WDR31: variants seen among roughly 807,000 people sequenced by gnomAD.
The protein encoded by WDR31 is WD repeat domain 31.
Under a neutral mutation model 47.3 loss-of-function variants are expected in WDR31, and 30 were observed. The observed-to-expected ratio is 0.63, with a 90% confidence interval of 0.47 to 0.86. The LOEUF is 0.86. Ranked by LOEUF, WDR31 falls within the 40% of genes least tolerant of loss-of-function variation. The probability of loss-of-function intolerance (pLI) is 0.00; values close to 1 mark genes in which losing one functional copy is unlikely to be tolerated. For synonymous variants in WDR31, 137 were observed against 159.4 expected (o/e 0.86, Z 1.06); for missense variants, 406 against 442.9 (o/e 0.92, Z 0.75).
In WDR31 at chr9:113,313,746, C is replaced by T. The variant is rs1360161777; in HGVS notation, c.*3003G>A. 6.6e-6 allele frequency: 1 copy of T among 152,180 alleles called. No homozygotes were observed. The highest frequency in any genetic ancestry group is 1.5e-5 in the Non-Finnish European group (1 of 68,044). The allele number at this position is 152,180 out of a possible 1,614,324, so 9.4% of individuals were successfully genotyped here. Reference sequence around the variant, plus strand: ...CAAATGAGAATAAATATATTTAGCCCTCTGTAGATGCTCAGTGACCGGGCT... The same window carrying T: ...CAAATGAGAATAAATATATTTAGCCTTCTGTAGATGCTCAGTGACCGGGCT... On this transcript the variant is annotated 3_prime_UTR_variant, in exon 11 of 11. Transcript: ENST00000374193.
intron 2 of WDR31, among the ~76,000 whole-genome samples, chr9:113,335,008 A>G (rs907454437): frequency 1.3e-5 from 2 of 152,176 alleles, no homozygotes; most frequent in Non-Finnish European, 2.9e-5. Flanking sequence ...TTGAGGAGTG[A>G]AAAGAAGTTC....
rs563495512 is a variant in WDR31, at chr9:113,316,603, C to T, written c.*146G>A. 8.2e-6 allele frequency: 8 copies of T among 981,138 alleles called. No homozygotes were observed. The highest frequency in any genetic ancestry group is 1.9e-5 in the South Asian group (1 of 52,738). 60.8% of individuals were successfully genotyped at this position (981,138 alleles called of 1,614,324 possible). A position where few individuals can be genotyped will look rare whatever the true frequency, so the allele number is the denominator to read the frequency against. ...GAATCACTGGACTTAAATTATTGGA[C>T]TTACAACACTGATACATCTTGTAAA... On this transcript the variant is annotated 3_prime_UTR_variant, in exon 11 of 11. Coordinates refer to ENST00000374193, the MANE Select transcript of WDR31 (RefSeq NM_001012361.4).
At chr9:113,335,346 C>T (rs1214343506) in intron 2 of WDR31, among the ~76,000 whole-genome samples, 1 of 152,206 alleles carries the variant, frequency 6.6e-6, no homozygotes, top group African/African-American at 2.4e-5. Context: ...CCAGTCTCAA[C>T]TACTCCATGT....
chr9:113,325,614 A>T (rs1027693140), intron 5 of WDR31, among the ~76,000 whole-genome samples: 9 of 150,028 alleles, frequency 6.0e-5, no homozygotes, highest in South Asian at 2.1e-4. Flanking sequence ...TGTAAGGAAA[A>T]TTTTTTTTTT....
At chr9:113,321,724 A>G in intron 7 of WDR31, 146 bp from the exon 8 acceptor site, 1 of 730,358 alleles carries the variant, frequency 1.4e-6, no homozygotes, top group Non-Finnish European at 2.3e-6. Context: ...TAGGTTTTGC[A>G]GATACCTATC....
In WDR31 at chr9:113,331,992, C is replaced by A; in HGVS notation, c.31G>T (p.Ala11Ser). 1 of 1,613,962 alleles carries A rather than the reference C, an allele frequency of 6.2e-7. No individual in the cohort carries two copies. The highest frequency in any genetic ancestry group is 8.5e-7 in the Non-Finnish European group (1 of 1,179,868). The part of the protein sequence containing the change: MLLLRCQLKQ[A>S]PPQKVSFRFC... Reference sequence around the variant, plus strand: ...CTAAACGAAACCTTCTGTGGAGGAGCTTGTTTCAGTTGGCACCTGAGTAGC... The same window carrying A: ...CTAAACGAAACCTTCTGTGGAGGAGATTGTTTCAGTTGGCACCTGAGTAGC... Residue 11 changes from alanine (A) to serine (S), a missense_variant, in exon 3 of 11, where the codon GCT (alanine) becomes TCT (serine). Physicochemically the swap from Ala to Ser is moderately conservative, Grantham distance 99. Coordinates refer to ENST00000374193, the MANE Select transcript of WDR31 (RefSeq NM_001012361.4).
chr9:113,336,056 T>C (rs546558758), intron 2 of WDR31, among the ~76,000 whole-genome samples: 1 of 152,324 alleles, frequency 6.6e-6, no homozygotes, highest in Non-Finnish European at 1.5e-5. Flanking sequence ...TGTGGTATTG[T>C]TTACAGATAG....
chr9:113,327,901 T>C (rs1833513106), intron 5 of WDR31, among the ~76,000 whole-genome samples: 1 of 152,136 alleles, frequency 6.6e-6, no homozygotes, highest in Non-Finnish European at 1.5e-5. Flanking sequence ...GCAGTGAGCT[T>C]TGATCACACA....
In WDR31 at chr9:113,314,264, G is replaced by A. The variant is rs1232159445; in HGVS notation, c.*2485C>T. 2 of 149,858 alleles carry A rather than the reference G, an allele frequency of 1.3e-5. No homozygotes were observed. The highest frequency in any genetic ancestry group is 6.6e-5 in the Admixed American group (1 of 15,076). The allele number at this position is 149,858 out of a possible 1,614,324, so 9.3% of individuals were successfully genotyped here. On this transcript the variant is annotated 3_prime_UTR_variant, in exon 11 of 11. Transcript: ENST00000374193. ...GAGTCTCTCTCTGTTGCCTAGGCTGGAGTGCAATGGCACAATCTCAGCTCA... is the reference window on the plus strand; with the variant it reads ...GAGTCTCTCTCTGTTGCCTAGGCTGAAGTGCAATGGCACAATCTCAGCTCA...
At chr9:113,328,851 T>C (rs1467745605) in intron 5 of WDR31, 30 bp downstream of exon 5, 1 of 1,547,016 alleles carries the variant, frequency 6.5e-7, no homozygotes, top group African/African-American at 1.4e-5. Context: ...CAGTTCCAGA[T>C]TGCCTTCATA....
Position 113,320,387 on chromosome 9 carries a change from A to G in WDR31, c.750T>C (p.Asn250=). The G allele has an allele frequency of 1.2e-6, 2 of 1,614,256 alleles. No homozygotes were observed. Among genetic ancestry groups the G allele is most frequent in the Non-Finnish European group, 8.5e-7 (1 of 1,180,032 alleles). ...CTTCACAGCCTTCTCCTCCAAAGCC[A>G]TTGCTGCAGGAGATACACTTGTGTC... The part of the protein sequence containing the change: ...VDGHKCISCS[N]GFGGEGCEAT... Residue 250 remains asparagine (N), a synonymous_variant, in exon 9 of 11, where the codon AAT becomes AAC. Transcript: ENST00000374193.
At chr9:113,337,748 G>A (rs1833748261) in intron 1 of WDR31, among the ~76,000 whole-genome samples, 1 of 152,168 alleles carries the variant, frequency 6.6e-6, no homozygotes, top group South Asian at 2.1e-4. Flanking sequence ...TTACAGGCAT[G>A]AGCCACCGTG....
chr9:113,318,907 G>T (rs1468105278), intron 9 of WDR31, among the ~76,000 whole-genome samples: 1 of 152,168 alleles, frequency 6.6e-6, no homozygotes, highest in Non-Finnish European at 1.5e-5. Context: ...TTAGTGGTTA[G>T]GGAAGTAAAA....
rs1238597106 is a variant in WDR31, at chr9:113,314,986, C to G, written c.*1763G>C. ...TGTGGCGAGGTATGATCATGAAACCCACGTTATAAAGTGAAGAGGAAACAG... is the reference window on the plus strand; with the variant it reads ...TGTGGCGAGGTATGATCATGAAACCGACGTTATAAAGTGAAGAGGAAACAG... On this transcript the variant is annotated 3_prime_UTR_variant, in exon 11 of 11. Transcript: ENST00000374193. 2 of 152,134 alleles carry G rather than the reference C, an allele frequency of 1.3e-5. No homozygotes were observed. Among genetic ancestry groups the G allele is most frequent in the Non-Finnish European group, 2.9e-5 (2 of 68,038 alleles). 9.4% of individuals were successfully genotyped at this position (152,134 alleles called of 1,614,324 possible). A position where few individuals can be genotyped will look rare whatever the true frequency, so the allele number is the denominator to read the frequency against.
chr9:113,323,992 A>T (rs913723593), intron 5 of WDR31, among the ~76,000 whole-genome samples: 1 of 151,888 alleles, frequency 6.6e-6, no homozygotes, highest in Non-Finnish European at 1.5e-5. Flanking sequence ...ATCTTTGCTG[A>T]CCTACTCTTC....
Position 113,335,852 on chromosome 9 carries a change from T to C in WDR31, c.-29+436A>G, listed in dbSNP as rs531792855. On this transcript the variant is annotated intron_variant, in intron 2 of 10. Coordinates refer to ENST00000374193, the MANE Select transcript of WDR31 (RefSeq NM_001012361.4). ...ATACGAAATGATTTTTAGTAGACTA[T>C]GTGTATAATGAGAGAAGGTCTCTCG... Among the ~76,000 whole-genome samples the C allele has an allele frequency of 3.3e-5, 5 of 152,314 alleles. No individual in the cohort carries two copies. In the East Asian group the frequency reaches 9.6e-4, roughly 29 times the overall value.
chr9:113,316,729 C>T lies in WDR31; in HGVS notation c.*20G>A. On this transcript the variant is annotated 3_prime_UTR_variant, in exon 11 of 11. Coordinates refer to ENST00000374193, the MANE Select transcript of WDR31 (RefSeq NM_001012361.4). ...AGGAGGAGCCATGGTTTGATATTGT[C>T]CAGTGAGTGTCTCTTGGCCTCAGAA... 6.2e-7 allele frequency: 1 copy of T among 1,609,350 alleles called. No homozygotes were observed. Among genetic ancestry groups the T allele is most frequent in the African/African-American group, 1.3e-5 (1 of 74,992 alleles).
intron 2 of WDR31, among the ~76,000 whole-genome samples, chr9:113,334,652 G>A (rs1327608697): frequency 6.9e-6 from 1 of 145,750 alleles, no homozygotes; most frequent in Non-Finnish European, 1.5e-5. Flanking sequence ...CGATTCTCCT[G>A]TCTCAGCCTC....
intron 7 of WDR31, 87 bp from the exon 8 acceptor site, chr9:113,321,665 G>C: frequency 7.8e-7 from 1 of 1,280,888 alleles, no homozygotes; most frequent in South Asian, 1.3e-5. Flanking sequence ...TAGCATCACT[G>C]TGCCTCTTCT....
Sources: gnomAD v4.1 joint callset for allele counts (sites outside exome capture counted in the v4.1 genomes callset) on GRCh38, gnomAD v4.1.1 for gene constraint, MANE v1.5 for transcripts, NCBI Gene and HGNC (gene_info 2026-07-23, HGNC 2026-07-21) for gene names.